Variants in GLI3 observed in about 807,000 individuals in gnomAD.
The protein encoded by GLI3 is GLI family zinc finger 3.
In GLI3, 20 loss-of-function variants were observed where a neutral mutation model predicts 100.8. The observed-to-expected ratio is 0.20, with a 90% CI of 0.14 to 0.29. The LOEUF is 0.29. Ranked by LOEUF, GLI3 falls within the 10% of genes least tolerant of loss-of-function variation. The pLI is 1.00. For missense variants in GLI3, 2,040 were observed against 2,128.5 expected, an observed-to-expected ratio of 0.96 and a Z score of 0.82; for synonymous variants, 938 against 860.5, an observed-to-expected ratio of 1.09 and a Z score of -1.58.
At chr7:42,189,982 A>G (rs1787793569) in intron 2 of GLI3, among the ~76,000 whole-genome samples, 1 of 63,180 alleles carries the variant, frequency 1.6e-5, no homozygotes. Flanking sequence ...ACACACACAC[A>G]CACACACACA....
chr7:42,204,901 A>G (rs1788118651), intron 2 of GLI3, among the ~76,000 whole-genome samples: 2 of 152,124 alleles, frequency 1.3e-5, no homozygotes, highest in Admixed American at 1.3e-4. Context: ...AATTTTCTGT[A>G]CTTATTGACA....
intron 2 of GLI3, among the ~76,000 whole-genome samples, chr7:42,219,956 C>T (rs1392897007): frequency 6.6e-5 from 10 of 151,802 alleles, no homozygotes; most frequent in Non-Finnish European, 1.5e-4. Context: ...CGAATTCACG[C>T]CATTCTCCTG....
chr7:42,025,424 C>G, intron 8 of GLI3, 47 bp from the exon 9 acceptor site: 1 of 1,373,682 alleles, frequency 7.3e-7, no homozygotes, highest in Non-Finnish European at 1.0e-6. Flanking sequence ...TTTTCATCAA[C>G]AAGGAGCAGT....
upstream of GLI3, chr7:42,238,003 G>T (rs866846186): frequency 3.0e-3 from 418 of 141,014 alleles, 1 homozygote; most frequent in African/African-American, 9.1e-3. Context: ...CGCCGCCGCC[G>T]CCTCCTCCTC....
intron 2 of GLI3, among the ~76,000 whole-genome samples, chr7:42,163,673 A>G (rs959940684): frequency 6.6e-6 from 1 of 151,592 alleles, no homozygotes; most frequent in Non-Finnish European, 1.5e-5. Flanking sequence ...CAGGTGATCC[A>G]CCCGCCTCAG....
In GLI3 at chr7:41,966,522, C is replaced by A. The variant is rs762464634; in HGVS notation, c.2551G>T (p.Ala851Ser). ...AGGTAGGCCGAGCTGATGGTGCTGG[C>A]GCTGCTGTCCCTTCTGTTGAGCATG... ...LNMLNRRDSSASTISSAYLSS... is the reference protein window; with the variant it reads ...LNMLNRRDSSSSTISSAYLSS... Residue 851 changes from alanine (A) to serine (S), a missense_variant, in exon 15 of 15, where the codon GCC becomes TCC. By Grantham distance (99) the Ala-to-Ser change is moderately conservative. This residue lies in a region of GLI3 where 327 missense variants were observed against 338.7 expected (regional missense o/e 0.97). Coordinates refer to ENST00000395925, the MANE Select transcript of GLI3 (RefSeq NM_000168.6). The surrounding 1 kb of genome is among the most constrained non-coding windows in gnomAD (Gnocchi z 5.8). 4 of 1,613,626 alleles carry A rather than the reference C, an allele frequency of 2.5e-6. No homozygotes were observed. The highest frequency in any genetic ancestry group is 1.3e-5 in the African/African-American group (1 of 74,926).
chr7:42,170,428 T>G (rs1787346973), intron 2 of GLI3, among the ~76,000 whole-genome samples: 1 of 127,354 alleles, frequency 7.9e-6, no homozygotes, highest in Admixed American at 9.0e-5. Context: ...TTTGAGACAG[T>G]GTCTCGCTCT....
chr7:42,142,209 G>T (rs1225549570), intron 3 of GLI3, among the ~76,000 whole-genome samples: 1 of 152,106 alleles, frequency 6.6e-6, no homozygotes, highest in Non-Finnish European at 1.5e-5. Flanking sequence ...ACATAAGCAG[G>T]ATTTGAAGGC....
intron 1 of GLI3, among the ~76,000 whole-genome samples, chr7:42,228,547 T>C (rs923435010): frequency 2.0e-5 from 3 of 152,156 alleles, no homozygotes; most frequent in African/African-American, 4.8e-5. Context: ...CCAGCCAAAT[T>C]TCCAGCAAAC....
chr7:42,239,241 C>T (rs1004539524), upstream of GLI3, among the ~76,000 whole-genome samples: 1 of 152,210 alleles, frequency 6.6e-6, no homozygotes, highest in Non-Finnish European at 1.5e-5. Flanking sequence ...CCCATCTCCG[C>T]GCTCACTAAC....
At chr7:42,175,881 T>TATAA (rs1431280075) in intron 2 of GLI3, among the ~76,000 whole-genome samples, 11 of 152,082 alleles carry the variant, frequency 7.2e-5, no homozygotes, top group Non-Finnish European at 1.6e-4. Flanking sequence ...ATAAAATAAA[T>TATAA]ATAAATAAAT....
At chr7:42,031,200 A>G (rs1419125636) in intron 7 of GLI3, among the ~76,000 whole-genome samples, 1 of 152,244 alleles carries the variant, frequency 6.6e-6, no homozygotes, top group Non-Finnish European at 1.5e-5. Flanking sequence ...GCATTCAACA[A>G]TTAATCTGTT....
chr7:42,240,163 G>A (rs963582687), upstream of GLI3, among the ~76,000 whole-genome samples: 1 of 152,116 alleles, frequency 6.6e-6, no homozygotes. Flanking sequence ...TCTGTGCACT[G>A]CCCTTCCTTG....
At chr7:42,032,247 A>T (rs1266232483) in intron 7 of GLI3, among the ~76,000 whole-genome samples, 1 of 152,228 alleles carries the variant, frequency 6.6e-6, no homozygotes, top group African/African-American at 2.4e-5. Flanking sequence ...AAAGAAAAAA[A>T]AAATTATTTG....
intron 4 of GLI3, among the ~76,000 whole-genome samples, chr7:42,070,760 C>T (rs958337943): frequency 2.0e-4 from 31 of 152,008 alleles, no homozygotes; most frequent in Non-Finnish European, 4.1e-4. Context: ...TTTGATATTG[C>T]TATGGTCTTC....
upstream of GLI3, among the ~76,000 whole-genome samples, chr7:42,239,363 A>G (rs1269904132): frequency 6.6e-6 from 1 of 152,212 alleles, no homozygotes; most frequent in Non-Finnish European, 1.5e-5. Flanking sequence ...AGGGTTTCCA[A>G]TGAGAAATAC....
intron 1 of GLI3, among the ~76,000 whole-genome samples, chr7:42,233,915 T>C (rs2128706476): frequency 6.6e-6 from 1 of 152,312 alleles, no homozygotes. Context: ...ATAAAGTCAT[T>C]TCAGCATTTT....
chr7:42,199,749 A>G (rs1434375280), intron 2 of GLI3, among the ~76,000 whole-genome samples: 1 of 152,176 alleles, frequency 6.6e-6, no homozygotes, highest in Non-Finnish European at 1.5e-5. Flanking sequence ...ATATTTAATA[A>G]AGATAAATAT....
chr7:42,084,866 T>C (rs1785067932), intron 3 of GLI3, among the ~76,000 whole-genome samples: 2 of 149,186 alleles, frequency 1.3e-5, no homozygotes, highest in South Asian at 4.3e-4. Flanking sequence ...AATTCAAAAG[T>C]CACAGTTATA....
Sources: gnomAD v4.1 joint callset for allele counts (sites outside exome capture counted in the v4.1 genomes callset) on GRCh38, gnomAD v4.1.1 for gene constraint, gnomAD v4.1.1 regional missense constraint, Gnocchi (gnomAD v3.1) non-coding constraint, MANE v1.5 for transcripts, NCBI Gene and HGNC (gene_info 2026-07-23, HGNC 2026-07-21) for gene names.